RNF150: variants seen among roughly 807,000 people sequenced by gnomAD.
RNF150 encodes the protein ring finger protein 150.
A neutral mutation model predicts 39.3 loss-of-function variants in RNF150; 24 were observed. That is an observed-to-expected ratio of 0.61 (90% CI 0.44 to 0.86). The LOEUF is 0.86. Ranked by LOEUF, RNF150 falls within the 40% of genes least tolerant of loss-of-function variation. The pLI is 0.00. For synonymous variants in RNF150, 255 were observed against 227.3 expected (o/e 1.12, Z -1.10); for missense variants, 502 against 587.8 (o/e 0.85, Z 1.51).
intron 1 of RNF150, among the ~76,000 whole-genome samples, chr4:141,030,348 T>G (rs1313357092): frequency 6.6e-6 from 1 of 151,876 alleles, no homozygotes; most frequent in Non-Finnish European, 1.5e-5. Context: ...TGTACACTGT[T>G]GATGGAAATA....
rs186963914 is a variant in RNF150, at chr4:140,862,381, C to T, written c.*5880G>A. 1.3e-5 allele frequency: 2 copies of T among 152,160 alleles called. No individual in the cohort carries two copies. Among genetic ancestry groups the T allele is most frequent in the East Asian group, 1.9e-4 (1 of 5,200 alleles). The allele number at this position is 152,160 out of a possible 1,614,324, so 9.4% of individuals were successfully genotyped here. On this transcript the variant is annotated 3_prime_UTR_variant, in exon 7 of 7. Transcript: ENST00000515673. Reference sequence around the variant, plus strand: ...ATCACTGAAATTCCTGAAAAAGCCACGTGATTATGAAGCACTCAAGGCAGG... The same window carrying T: ...ATCACTGAAATTCCTGAAAAAGCCATGTGATTATGAAGCACTCAAGGCAGG...
chr4:141,179,947 C>T (rs1578783513), intron 1 of RNF150, among the ~76,000 whole-genome samples: 1 of 152,276 alleles, frequency 6.6e-6, no homozygotes, highest in East Asian at 1.9e-4. Context: ...ACCAAGAAAC[C>T]TTTGCTTGGC....
At chr4:141,179,699 GC>G (rs551731199) in intron 1 of RNF150, among the ~76,000 whole-genome samples, 35 of 152,268 alleles carry the variant, frequency 2.3e-4, no homozygotes, top group Admixed American at 2.2e-3. Context: ...ATAGATATCA[GC>G]CCAGAGCCCT....
intron 1 of RNF150, among the ~76,000 whole-genome samples, chr4:141,074,583 G>C (rs978334493): frequency 1.3e-5 from 2 of 152,118 alleles, no homozygotes; most frequent in African/African-American, 4.8e-5. Flanking sequence ...GAAGGGGTAT[G>C]GTACTAAAGC....
chr4:141,157,156 A>G (rs1037863973), intron 1 of RNF150, among the ~76,000 whole-genome samples: 2 of 152,134 alleles, frequency 1.3e-5, no homozygotes, highest in Non-Finnish European at 2.9e-5. Flanking sequence ...GGTTTTCATC[A>G]GTGTTTCCTC....
chr4:140,916,995 G>A (rs11100683), intron 5 of RNF150, among the ~76,000 whole-genome samples: 83,822 of 151,924 alleles, frequency 0.55, 23,613 homozygotes, highest in East Asian at 0.89. Context: ...CAAATGCTGA[G>A]AGATTTTGTC....
At chr4:141,158,036 T>C (rs2111152845) in intron 1 of RNF150, among the ~76,000 whole-genome samples, 1 of 152,324 alleles carries the variant, frequency 6.6e-6, no homozygotes, top group East Asian at 1.9e-4. Context: ...CTCACACCTG[T>C]AATCACAGCA....
At chr4:141,175,981 C>T (rs1299692536) in intron 1 of RNF150, among the ~76,000 whole-genome samples, 4 of 152,048 alleles carry the variant, frequency 2.6e-5, no homozygotes, top group Non-Finnish European at 5.9e-5. Flanking sequence ...ACCTCCCAGG[C>T]TCAAGCAATC....
chr4:140,900,621 G>C (rs1402034556), intron 6 of RNF150, among the ~76,000 whole-genome samples: 1 of 152,132 alleles, frequency 6.6e-6, no homozygotes, highest in African/African-American at 2.4e-5. Flanking sequence ...ATACAATCTA[G>C]AGCTCTCAGG....
chr4:141,089,903 G>C (rs1181080985), intron 1 of RNF150, among the ~76,000 whole-genome samples: 1 of 152,138 alleles, frequency 6.6e-6, no homozygotes, highest in Non-Finnish European at 1.5e-5. Flanking sequence ...CTTTTAATTA[G>C]TAACACATCG....
intron 1 of RNF150, among the ~76,000 whole-genome samples, chr4:141,131,905 T>C (rs927071307): frequency 3.9e-5 from 6 of 152,106 alleles, no homozygotes; most frequent in African/African-American, 7.2e-5. Context: ...TCTCCTGATA[T>C]AGCGCCTGCA....
At chr4:141,109,147 G>C (rs1460643714) in intron 1 of RNF150, among the ~76,000 whole-genome samples, 1 of 152,012 alleles carries the variant, frequency 6.6e-6, no homozygotes, top group African/African-American at 2.4e-5. Context: ...GATTTGATTT[G>C]TTTTGCTATT....
At chr4:140,905,006 G>A (rs1167474742) in intron 6 of RNF150, among the ~76,000 whole-genome samples, 2 of 152,194 alleles carry the variant, frequency 1.3e-5, no homozygotes, top group Non-Finnish European at 2.9e-5. Flanking sequence ...AATCCTTGCA[G>A]AGACTAAACA....
At position 141,132,387 on chromosome 4, in the gene RNF150, G is replaced by A; in HGVS notation, c.422C>T (p.Ser141Leu). 1 of 1,602,980 alleles carries A rather than the reference G, an allele frequency of 6.2e-7. No homozygotes were observed. The highest frequency in any genetic ancestry group is 8.5e-7 in the Non-Finnish European group (1 of 1,175,316). ...KIRNAFLQNASAVVIFNVGSN... is the reference protein window; with the variant it reads ...KIRNAFLQNALAVVIFNVGSN... Reference sequence around the variant, plus strand: ...GCCCACGTTGAAGATGACCACGGCTGAGGCGTTCTGCAGGAACGCGTTCCG... The same window carrying A: ...GCCCACGTTGAAGATGACCACGGCTAAGGCGTTCTGCAGGAACGCGTTCCG... The change falls in exon 1 of 7, where the codon TCA becomes TTA. Residue 141 changes from serine (S) to leucine (L), a missense_variant. By Grantham distance (145) the Ser-to-Leu change is moderately radical. Transcript: ENST00000515673. The surrounding 1 kb of genome is among the most constrained non-coding windows in gnomAD (Gnocchi z 4.9).
At chr4:140,922,817 A>T (rs1731214950) in intron 5 of RNF150, among the ~76,000 whole-genome samples, 1 of 151,340 alleles carries the variant, frequency 6.6e-6, no homozygotes, top group Admixed American at 6.6e-5. Context: ...ATAATGCCGC[A>T]TATCTACAAC....
chr4:141,187,144 T>C (rs1448631579), intron 1 of RNF150, among the ~76,000 whole-genome samples: 2 of 152,238 alleles, frequency 1.3e-5, no homozygotes, highest in African/African-American at 2.4e-5. Flanking sequence ...GGTTGTTCAG[T>C]TTCCATGTAG....
chr4:140,911,885 G>C (rs1240921321), intron 5 of RNF150, among the ~76,000 whole-genome samples: 1 of 151,684 alleles, frequency 6.6e-6, no homozygotes, highest in African/African-American at 2.4e-5. Flanking sequence ...ACAGGATAAG[G>C]CTACATTTAA....
At chr4:141,010,123 A>G (rs964880792) in intron 1 of RNF150, among the ~76,000 whole-genome samples, 2 of 152,372 alleles carry the variant, frequency 1.3e-5, no homozygotes, top group African/African-American at 4.8e-5. Flanking sequence ...GGTTCAGGAA[A>G]GTGGCTTCAA....
intron 1 of RNF150, among the ~76,000 whole-genome samples, chr4:141,208,735 G>C (rs574312985): frequency 6.6e-6 from 1 of 152,272 alleles, no homozygotes; most frequent in South Asian, 2.1e-4. Context: ...TCTGAGATTT[G>C]ATACTACTTG....
Sources: gnomAD v4.1 joint callset for allele counts (sites outside exome capture counted in the v4.1 genomes callset) on GRCh38, gnomAD v4.1.1 for gene constraint, Gnocchi (gnomAD v3.1) non-coding constraint, MANE v1.5 for transcripts, NCBI Gene and HGNC (gene_info 2026-07-23, HGNC 2026-07-21) for gene names.